SAMD4A: variants seen among roughly 807,000 people sequenced by gnomAD.
SAMD4A encodes the protein sterile alpha motif domain containing 4A.
A neutral mutation model predicts 81.3 loss-of-function variants in SAMD4A; 33 were observed. The ratio of observed to expected loss-of-function variants is 0.41; its 90% CI spans 0.31 to 0.54. SAMD4A has a LOEUF of 0.54. SAMD4A is among the 20% of genes least tolerant of loss of function. The pLI, the probability that SAMD4A is intolerant of heterozygous loss-of-function variation, is 0.37. For missense variants in SAMD4A, 854 were observed against 951.1 expected (o/e 0.90, Z 1.34); for synonymous variants, 389 against 382.1 (o/e 1.02, Z -0.21).
At chr14:54,707,285 G>C (rs1383432591) in intron 3 of SAMD4A, among the ~76,000 whole-genome samples, 1 of 151,552 alleles carries the variant, frequency 6.6e-6, no homozygotes, top group East Asian at 1.9e-4. Flanking sequence ...TGTATTTTTT[G>C]TGGAGACAGG....
intron 2 of SAMD4A, among the ~76,000 whole-genome samples, chr14:54,658,584 G>A (rs2035574263): frequency 6.6e-6 from 1 of 152,192 alleles, no homozygotes; most frequent in Non-Finnish European, 1.5e-5. Context: ...CAAGTAGCCA[G>A]CTGGCCTCAT....
intron 2 of SAMD4A, among the ~76,000 whole-genome samples, chr14:54,650,089 A>G (rs1015668224): frequency 6.6e-6 from 1 of 152,236 alleles, no homozygotes; most frequent in African/African-American, 2.4e-5. Context: ...CTTGAATTCC[A>G]CTTACCTCCT....
intron 2 of SAMD4A, among the ~76,000 whole-genome samples, chr14:54,606,404 A>G (rs2034207064): frequency 6.6e-6 from 1 of 152,178 alleles, no homozygotes; most frequent in Non-Finnish European, 1.5e-5. Flanking sequence ...GTGCTGCCTA[A>G]TCTGTGGCAT....
chr14:54,710,644 T>C (rs762898665), intron 3 of SAMD4A, among the ~76,000 whole-genome samples: 1 of 152,166 alleles, frequency 6.6e-6, no homozygotes. Flanking sequence ...CCCTCCAGCT[T>C]CCGTGGTCTC....
rs2140004047 is a variant in SAMD4A at position 54,789,772 on chromosome 14, A to G, written c.*828A>G. On this transcript the variant is annotated 3_prime_UTR_variant, in exon 13 of 13. Coordinates refer to ENST00000554335, the MANE Select transcript of SAMD4A (RefSeq NM_015589.6). Reference sequence around the variant, plus strand: ...TGTAGGCCTGAGCTGTCCGTCTTTCACCGTTAGGTGGGAGGAGCGTATGGG... The same window carrying G: ...TGTAGGCCTGAGCTGTCCGTCTTTCGCCGTTAGGTGGGAGGAGCGTATGGG... 2 of 152,380 alleles carry G rather than the reference A, an allele frequency of 1.3e-5. No homozygotes were observed. The highest frequency in any genetic ancestry group is 4.1e-4 in the South Asian group (2 of 4,826). The allele number at this position is 152,380 out of a possible 1,614,324, so 9.4% of individuals were successfully genotyped here.
chr14:54,586,148 G>A (rs149552521), intron 2 of SAMD4A, among the ~76,000 whole-genome samples: 77 of 152,014 alleles, frequency 5.1e-4, no homozygotes, highest in Non-Finnish European at 9.7e-4. Flanking sequence ...AGATGGTATC[G>A]CATTGTGGTT....
At chr14:54,766,603 G>C (rs993523266) in intron 8 of SAMD4A, among the ~76,000 whole-genome samples, 3 of 152,200 alleles carry the variant, frequency 2.0e-5, no homozygotes, top group African/African-American at 7.2e-5. Context: ...AGAAGAGAGT[G>C]ATGTCTGCAG....
chr14:54,705,246 CAG>C (rs1462187915), intron 3 of SAMD4A, among the ~76,000 whole-genome samples: 3 of 152,170 alleles, frequency 2.0e-5, no homozygotes, highest in Non-Finnish European at 4.4e-5. Context: ...CACTGATATG[CAG>C]AGTCTTTGCC....
chr14:54,737,341 ACC>A, intron 4 of SAMD4A, 54 bp downstream of exon 4: 2 of 1,591,368 alleles, frequency 1.3e-6, no homozygotes, highest in South Asian at 1.1e-5. Context: ...TTTATTGGAG[ACC>A]AGAGGGTAAA....
chr14:54,692,999 C>G (rs1185393256), intron 2 of SAMD4A: 3 of 151,948 alleles, frequency 2.0e-5, no homozygotes, highest in Non-Finnish European at 2.9e-5. Context: ...CTGTCTCAGC[C>G]TCTCAAATCC....
intron 3 of SAMD4A, among the ~76,000 whole-genome samples, chr14:54,734,578 C>G (rs1216964409): frequency 6.6e-6 from 1 of 152,180 alleles, no homozygotes; most frequent in Non-Finnish European, 1.5e-5. Flanking sequence ...TTTCTATGTA[C>G]AAATCCCTGT....
chr14:54,608,911 C>A (rs537119493), intron 2 of SAMD4A, among the ~76,000 whole-genome samples: 1 of 152,114 alleles, frequency 6.6e-6, no homozygotes, highest in South Asian at 2.1e-4. Context: ...TGAGTCCAGA[C>A]CTTTTGAGAT....
chr14:54,676,086 A>G (rs1023377547), intron 2 of SAMD4A, among the ~76,000 whole-genome samples: 1 of 152,244 alleles, frequency 6.6e-6, no homozygotes, highest in Non-Finnish European at 1.5e-5. Flanking sequence ...CCGCGACTCA[A>G]TACTAAGAAA....
chr14:54,603,119 T>C (rs2034105741), intron 2 of SAMD4A, among the ~76,000 whole-genome samples: 1 of 152,212 alleles, frequency 6.6e-6, no homozygotes, highest in Non-Finnish European at 1.5e-5. Context: ...GCGGACCATG[T>C]GACTTGGCAT....
In SAMD4A at chr14:54,736,985, G is replaced by C. The variant is rs10133272; in HGVS notation, c.716-39G>C. On this transcript the variant is annotated intron_variant, in intron 3 of 12. Transcript: ENST00000554335. ...GGTTCTTCGGTGTCCCAGGATAAAG[G>C]GGGGGGAATAACCTATTTCATTTTA... 2.5e-4 allele frequency: 398 copies of C among 1,604,962 alleles called. 2 individuals carry two copies. In the South Asian group the frequency reaches 3.4e-3, roughly 14 times the overall value.
chr14:54,580,079 C>T (rs554562121), intron 2 of SAMD4A, among the ~76,000 whole-genome samples: 19 of 152,206 alleles, frequency 1.2e-4, no homozygotes, highest in Non-Finnish European at 2.5e-4. Flanking sequence ...TTACATACTG[C>T]AGCCCCTTTG....
At chr14:54,711,205 G>A (rs906193945) in intron 3 of SAMD4A, among the ~76,000 whole-genome samples, 5 of 152,184 alleles carry the variant, frequency 3.3e-5, no homozygotes, top group African/African-American at 1.2e-4. Flanking sequence ...AATATTTGGT[G>A]ATAATATTGA....
At chr14:54,655,172 T>G (rs2035491484) in intron 2 of SAMD4A, among the ~76,000 whole-genome samples, 1 of 152,166 alleles carries the variant, frequency 6.6e-6, no homozygotes, top group African/African-American at 2.4e-5. Flanking sequence ...ATCAGCTCAT[T>G]ATTTTGCGGA....
intron 2 of SAMD4A, among the ~76,000 whole-genome samples, chr14:54,665,481 A>G (rs1308759272): frequency 6.6e-6 from 1 of 152,244 alleles, no homozygotes; most frequent in East Asian, 1.9e-4. Context: ...ATGGGGAGCA[A>G]CTGATGGCTA....
Sources: gnomAD v4.1 joint callset for allele counts (sites outside exome capture counted in the v4.1 genomes callset) on GRCh38, gnomAD v4.1.1 for gene constraint, MANE v1.5 for transcripts, NCBI Gene and HGNC (gene_info 2026-07-23, HGNC 2026-07-21) for gene names.